CIAO3: variants seen among roughly 807,000 people sequenced by gnomAD.
CIAO3 encodes cytosolic iron-sulfur assembly component 3, also known as LET1 like/JFP15.
Under a neutral mutation model 51.5 loss-of-function variants are expected in CIAO3, and 45 were observed. That is an observed-to-expected ratio of 0.87 (90% CI 0.69 to 1.12). CIAO3 has a LOEUF of 1.12. Among genes scored for constraint, CIAO3 ranks in the 50% most tolerant of loss-of-function variants. The pLI, the probability that CIAO3 is intolerant of heterozygous loss-of-function variation, is 0.00. For synonymous variants in CIAO3, 314 were observed against 269.3 expected (o/e 1.17, Z -1.63); for missense variants, 668 against 632.5 (o/e 1.06, Z -0.60).
chr16:731,229 C>T lies in CIAO3; in HGVS notation c.1035-229G>A. The T allele has an allele frequency of 7.7e-6, 5 of 646,918 alleles. No individual in the cohort carries two copies. In the South Asian group the frequency reaches 7.9e-5, roughly 10 times the overall value. 40.1% of individuals were successfully genotyped at this position (646,918 alleles called of 1,614,324 possible). On this transcript the variant is annotated intron_variant, in intron 9 of 10. Coordinates refer to ENST00000251588, the MANE Select transcript of CIAO3 (RefSeq NM_022493.3). Reference sequence around the variant, plus strand: ...GCCTCGGGCTGTCTGTGAAACAGGCCTCCCTCCCCAGGGATGTCTGTGAGG... The same window carrying T: ...GCCTCGGGCTGTCTGTGAAACAGGCTTCCCTCCCCAGGGATGTCTGTGAGG...
intron 2 of CIAO3, chr16:738,100 T>G (rs1250794252): frequency 9.7e-7 from 1 of 1,029,638 alleles, no homozygotes; most frequent in Non-Finnish European, 1.2e-6. Context: ...CCTACGTTGG[T>G]TCTGCCCCAA....
chr16:734,719 C>G lies in CIAO3; in HGVS notation c.574+18G>C. 2 of 1,612,808 alleles carry G rather than the reference C, an allele frequency of 1.2e-6. No homozygotes were observed. Among genetic ancestry groups the G allele is most frequent in the Non-Finnish European group, 1.7e-6 (2 of 1,179,862 alleles). ...GCACTTGAACTTGACTCTCCCACCACCCGCACCATGAGCACACCTGGGCAG... is the reference window on the plus strand; with the variant it reads ...GCACTTGAACTTGACTCTCCCACCAGCCGCACCATGAGCACACCTGGGCAG... On this transcript the variant is annotated intron_variant, in intron 5 of 10. Coordinates refer to ENST00000251588, the MANE Select transcript of CIAO3 (RefSeq NM_022493.3).
At chr16:740,272 G>A in intron 1 of CIAO3, 1 of 394,628 alleles carries the variant, frequency 2.5e-6, no homozygotes, top group South Asian at 1.9e-5. Context: ...CGGGGCTGTT[G>A]GACATGGACA....
In CIAO3 at chr16:737,243, G is replaced by T. The variant is rs149663038; in HGVS notation, c.249C>A (p.Thr83=). Residue 83 remains threonine, a synonymous_variant, in exon 3 of 11, where the codon ACC becomes ACA. Transcript: ENST00000251588. The surrounding 1 kb of genome is among the most constrained non-coding windows in gnomAD (Gnocchi z 5.3). The part of the protein sequence containing the change: ...ACSGCITSAE[T]VLITQQSHEE... ...CGTGGCTCTGCTGGGTGATAAGCAC[G>T]GTCTCTGCGGAGGTGATGCAGCCGC... 2.5e-6 allele frequency: 4 copies of T among 1,613,540 alleles called. No homozygotes were observed. Among genetic ancestry groups the T allele is most frequent in the Admixed American group, 1.7e-5 (1 of 60,006 alleles).
chr16:733,944 G>T, intron 6 of CIAO3: 1 of 444,366 alleles, frequency 2.3e-6, no homozygotes, highest in South Asian at 2.1e-5. Context: ...GGACCTGGTG[G>T]CCGGAGGGGT....
In CIAO3 at chr16:730,465, C is replaced by T; in HGVS notation, c.1383G>A (p.Gln461=). 1 of 1,607,388 alleles carries T rather than the reference C, an allele frequency of 6.2e-7. No individual in the cohort carries two copies. The stretch of plus-strand genomic sequence containing the variant: ...TGCTGGCCTTCTCCACGGCGTGGTA[C>T]TGCGTATGCAGCAAGCGACCTGCAC... ...SECAGRLLHT[Q]YHAVEKASTG... is the part of the protein sequence containing the mutation. Residue 461 remains glutamine (Q), a synonymous_variant, in exon 11 of 11, where the codon CAG becomes CAA. Transcript: ENST00000251588.
chr16:731,738 C>T, intron 8 of CIAO3, 36 bp from the exon 9 acceptor site: 1 of 1,508,552 alleles, frequency 6.6e-7, no homozygotes, highest in South Asian at 1.3e-5. Context: ...ACAGCTGGGG[C>T]TGCTGCCTGC....
chr16:736,820 C>G (rs1259610767), intron 3 of CIAO3, among the ~76,000 whole-genome samples: 1 of 152,214 alleles, frequency 6.6e-6, no homozygotes, highest in Non-Finnish European at 1.5e-5. Context: ...TGTGCCACCA[C>G]ACCTGGCTAA....
chr16:737,414 C>G lies in CIAO3; in HGVS notation c.163-85G>C, dbSNP rs1375909800. On this transcript the variant is annotated intron_variant, in intron 2 of 10. Coordinates refer to ENST00000251588, the MANE Select transcript of CIAO3 (RefSeq NM_022493.3). This position sits in a 1 kb window ranked among gnomAD's most constrained non-coding sequence, Gnocchi z 5.3. ...AGGATAGTGGAGTCCAGCTCATAAC[C>G]GACAACCAACATGGCTGCTGGCTGG... 1 of 1,592,748 alleles carries G rather than the reference C, an allele frequency of 6.3e-7. No homozygotes were observed. Among genetic ancestry groups the G allele is most frequent in the Non-Finnish European group, 8.6e-7 (1 of 1,167,626 alleles).
At position 739,758 on chromosome 16, in the gene CIAO3, C is replaced by A; in HGVS notation, c.67-20G>T. 1 of 1,610,790 alleles carries A rather than the reference C, an allele frequency of 6.2e-7. No individual in the cohort carries two copies. The highest frequency in any genetic ancestry group is 1.7e-4 in the Middle Eastern group (1 of 6,056). Reference sequence around the variant, plus strand: ...GCACTCCTAGAGCAGGAAGAGACCCCAAATCAGCCCCTGTGAGTGGGCGGA... The same window carrying A: ...GCACTCCTAGAGCAGGAAGAGACCCAAAATCAGCCCCTGTGAGTGGGCGGA... On this transcript the variant is annotated intron_variant, in intron 1 of 10. Coordinates refer to ENST00000251588, the MANE Select transcript of CIAO3 (RefSeq NM_022493.3).
rs2041269428 is a variant in CIAO3 at position 730,839 on chromosome 16, C to T, written c.1192+4G>A. ...CCTCGTGTCCTGTCCCTTGCAGGAG[C>T]TACCTGAGGGGCAGGCCATGACCTC... On this transcript the variant is annotated splice_donor_region_variant and intron_variant, in intron 10 of 10. Transcript: ENST00000251588. 2 of 1,612,320 alleles carry T rather than the reference C, an allele frequency of 1.2e-6. No individual in the cohort carries two copies. Among genetic ancestry groups the T allele is most frequent in the South Asian group, 1.1e-5 (1 of 91,086 alleles).
At chr16:730,790 C>T in intron 10 of CIAO3, 53 bp downstream of exon 10, 1 of 1,598,808 alleles carries the variant, frequency 6.3e-7, no homozygotes, top group Non-Finnish European at 8.5e-7. Context: ...GATGGTGGCC[C>T]ACAGCTCTGC....
At position 730,032 on chromosome 16, in the gene CIAO3, CAG is replaced by C; in HGVS notation, c.*383_*384del. 5.5e-6 allele frequency: 2 copies of C among 366,674 alleles called. No individual in the cohort carries two copies. Among genetic ancestry groups the C allele is most frequent in the South Asian group, 5.3e-5 (2 of 37,424 alleles). 22.7% of individuals were successfully genotyped at this position (366,674 alleles called of 1,614,324 possible). ...AGCTTCAAGGGAAGCCTCCAGAAGT[CAG>C]GGGTGAGAACCCGTCTTGCTCTGCC... On this transcript the variant is annotated 3_prime_UTR_variant, in exon 11 of 11. Transcript: ENST00000251588.
chr16:733,155 C>G (rs912821438), intron 7 of CIAO3, 143 bp downstream of exon 7: 1 of 1,081,436 alleles, frequency 9.2e-7, no homozygotes, highest in South Asian at 1.6e-5. Context: ...AGGGGAGAGA[C>G]GAAGGTACGT....
In CIAO3 at chr16:737,130, G is replaced by A. The variant is rs1297415289; in HGVS notation, c.306+56C>T. On this transcript the variant is annotated intron_variant, in intron 3 of 10. Coordinates refer to ENST00000251588, the MANE Select transcript of CIAO3 (RefSeq NM_022493.3). The surrounding 1 kb of genome is among the most constrained non-coding windows in gnomAD (Gnocchi z 5.3). ...GCTGCCCTTGGCAAAACGCGTTGTC[G>A]GCTGCTGGGATGGATTTCAGGTTAA... is the stretch of plus-strand genomic sequence containing the variant. The A allele has an allele frequency of 1.3e-5, 21 of 1,602,832 alleles. No individual in the cohort carries two copies. The highest frequency in any genetic ancestry group is 4.5e-5 in the East Asian group (2 of 44,604).
At chr16:732,155 G>A (rs1271273815) in intron 8 of CIAO3, 146 bp downstream of exon 8, 4 of 840,022 alleles carry the variant, frequency 4.8e-6, no homozygotes, top group South Asian at 1.6e-5. Context: ...TGGGGTGACA[G>A]GCGTGAGCTA....
At position 730,227 on chromosome 16, in the gene CIAO3, T is replaced by C. The variant is rs2066228536; in HGVS notation, c.*190A>G. 1 of 622,400 alleles carries C rather than the reference T, an allele frequency of 1.6e-6. No homozygotes were observed. The highest frequency in any genetic ancestry group is 2.8e-6 in the Non-Finnish European group (1 of 356,538). 38.6% of individuals were successfully genotyped at this position (622,400 alleles called of 1,614,324 possible). ...CCCCACCCCACCTGGGCAGAGCCAG[T>C]GGGAACCCAGAGGCACCCAACTGGA... is the stretch of plus-strand genomic sequence containing the variant. On this transcript the variant is annotated 3_prime_UTR_variant, in exon 11 of 11. Transcript: ENST00000251588.
chr16:730,940 T>G lies in CIAO3; in HGVS notation c.1095A>C (p.Ala365=). 6.2e-7 allele frequency: 1 copy of G among 1,612,996 alleles called. No individual in the cohort carries two copies. Residue 365 remains alanine (A), a synonymous_variant, in exon 10 of 11, where the codon GCA becomes GCC. Coordinates refer to ENST00000251588, the MANE Select transcript of CIAO3 (RefSeq NM_022493.3). ...EKEGQVLLHF[A]MAYGFRNIQN... Reference sequence around the variant, plus strand: ...GGATGTTGCGGAAGCCGTACGCCATTGCGAAGTGCAGCAGCACCTGGCCCT... The same window carrying G: ...GGATGTTGCGGAAGCCGTACGCCATGGCGAAGTGCAGCAGCACCTGGCCCT...
chr16:734,703 C>T (rs776158022), intron 5 of CIAO3, 34 bp downstream of exon 5: 2 of 1,612,802 alleles, frequency 1.2e-6, no homozygotes, highest in East Asian at 2.2e-5. Flanking sequence ...TGCACTTGAA[C>T]TTGACTCTCC....
Sources: gnomAD v4.1 joint callset for allele counts (sites outside exome capture counted in the v4.1 genomes callset) on GRCh38, gnomAD v4.1.1 for gene constraint, Gnocchi (gnomAD v3.1) non-coding constraint, MANE v1.5 for transcripts, NCBI Gene and HGNC (gene_info 2026-07-23, HGNC 2026-07-21) for gene names.